Variants in RO60 observed in about 807,000 individuals in gnomAD.
RO60 encodes RNA-binding protein RO60.
RO60 carries 20 observed loss-of-function variants against 55.3 expected under a neutral mutation model. The observed-to-expected ratio is 0.36, with a 90% CI of 0.25 to 0.53. The LOEUF is 0.53. RO60 is among the 20% of genes least tolerant of loss of function. The pLI is 0.92. For synonymous variants in RO60, 213 were observed against 213.6 expected (o/e 1.00, Z 0.02); for missense variants, 558 against 646.6 (o/e 0.86, Z 1.49).
downstream of RO60, chr1:193,091,449 G>A (rs1235811476): frequency 1.1e-5 from 5 of 446,398 alleles, no homozygotes; most frequent in Non-Finnish European, 2.0e-5. Flanking sequence ...CCTGAAAGGA[G>A]GGGACAGGGA....
chr1:193,081,720 T>C (rs1674324896), intron 6 of RO60, among the ~76,000 whole-genome samples: 1 of 152,070 alleles, frequency 6.6e-6, no homozygotes, highest in South Asian at 2.1e-4. Flanking sequence ...AGATTAAATA[T>C]TAATGGATTT....
intron 1 of RO60, among the ~76,000 whole-genome samples, chr1:193,061,970 T>A (rs1471952978): frequency 6.7e-6 from 1 of 148,228 alleles, no homozygotes; most frequent in African/African-American, 2.5e-5. Flanking sequence ...GGTGACAGAG[T>A]GAGAGTCTGT....
At chr1:193,079,257 T>G (rs546116788) in intron 5 of RO60, among the ~76,000 whole-genome samples, 1 of 152,158 alleles carries the variant, frequency 6.6e-6, no homozygotes, top group African/African-American at 2.4e-5. Context: ...TCAACTAATT[T>G]ATTCCATTTT....
chr1:193,078,788 A>G (rs1458021927), intron 5 of RO60, among the ~76,000 whole-genome samples: 3 of 152,190 alleles, frequency 2.0e-5, no homozygotes, highest in African/African-American at 4.8e-5. Context: ...TAAGATGACA[A>G]TACTATCCAA....
Position 193,059,670 on chromosome 1 carries a change from T to A in RO60, c.-128T>A. 1.5e-6 allele frequency: 2 copies of A among 1,372,138 alleles called. No individual in the cohort carries two copies. Among genetic ancestry groups the A allele is most frequent in the Non-Finnish European group, 1.9e-6 (2 of 1,027,716 alleles). The allele number at this position is 1,372,138 out of a possible 1,614,324, so 85.0% of individuals were successfully genotyped here. A position where few individuals can be genotyped will look rare whatever the true frequency, so the allele number is the denominator to read the frequency against. ...GCGGCAGTGGGGCTGTTGCTGTTGC[T>A]GTGGCTGTCGCTGCCCGTCAGGCTG... is the stretch of plus-strand genomic sequence containing the variant. On this transcript the variant is annotated 5_prime_UTR_variant, in exon 1 of 9. Coordinates refer to ENST00000400968, the MANE Select transcript of RO60 (RefSeq NM_001173524.2). This position sits in a 1 kb window ranked among gnomAD's most constrained non-coding sequence, Gnocchi z 4.9.
chr1:193,080,122 ACT>A (rs1170747085), intron 5 of RO60, among the ~76,000 whole-genome samples: 1 of 151,922 alleles, frequency 6.6e-6, no homozygotes, highest in Non-Finnish European at 1.5e-5. Context: ...CAAGAGTGAA[ACT>A]CTGTCTCAAA....
Position 193,085,481 on chromosome 1 carries a change from A to C in RO60, c.*750A>C, listed in dbSNP as rs1281658289. ...TTGCTTTGTTATATTTTATTGCTAC[A>C]AGGGGTGTGACTTGATAATGATTTC... On this transcript the variant is annotated 3_prime_UTR_variant, in exon 9 of 9. Coordinates refer to ENST00000400968, the MANE Select transcript of RO60 (RefSeq NM_001173524.2). The C allele has an allele frequency of 9.1e-6, 9 of 984,682 alleles. No individual in the cohort carries two copies. Among genetic ancestry groups the C allele is most frequent in the African/African-American group, 1.8e-5 (1 of 56,972 alleles). 61.0% of individuals were successfully genotyped at this position (984,682 alleles called of 1,614,324 possible).
Position 193,076,513 on chromosome 1 carries a change from T to A in RO60, c.814T>A (p.Leu272Met). The change falls in exon 4 of 9, where the codon TTG becomes ATG. Residue 272 changes from leucine to methionine, a missense_variant. Transcript: ENST00000400968. ...GTTATTGCAATAGGTATGGAAGGCT[T>A]TGTTACAAGAAATGCCGCTTACTGC... Reference protein sequence around the residue: ...HLKSKEVWKALLQEMPLTALL... With the variant: ...HLKSKEVWKAMLQEMPLTALL... 1 of 1,611,428 alleles carries A rather than the reference T, an allele frequency of 6.2e-7. No homozygotes were observed. The highest frequency in any genetic ancestry group is 8.5e-7 in the Non-Finnish European group (1 of 1,179,086).
In RO60 at chr1:193,069,095, A is replaced by C. The variant is rs1170899116; in HGVS notation, c.41A>C (p.Lys14Thr). ...AACCAAATGCAGCCACTGAATGAGAAGCAGATAGCCAATTCTCAGGATGGA... is the reference window on the plus strand; with the variant it reads ...AACCAAATGCAGCCACTGAATGAGACGCAGATAGCCAATTCTCAGGATGGA... ...SVNQMQPLNE[K>T]QIANSQDGYV... is the part of the protein sequence containing the mutation. The change falls in exon 2 of 9, where the codon AAG becomes ACG. Residue 14 changes from lysine (K) to threonine (T), a missense_variant. Transcript: ENST00000400968. 2 of 1,613,812 alleles carry C rather than the reference A, an allele frequency of 1.2e-6. No individual in the cohort carries two copies. Among genetic ancestry groups the C allele is most frequent in the Non-Finnish European group, 1.7e-6 (2 of 1,179,744 alleles).
intron 1 of RO60, among the ~76,000 whole-genome samples, chr1:193,063,154 G>A (rs1672894013): frequency 6.6e-6 from 1 of 152,128 alleles, no homozygotes; most frequent in South Asian, 2.1e-4. Flanking sequence ...CAGTATATGA[G>A]CGTTTCATTT....
In RO60 at chr1:193,081,373, C is replaced by T. The variant is rs774794690; in HGVS notation, c.1096C>T (p.Pro366Ser). Residue 366 changes from proline to serine, a missense_variant, in exon 6 of 9, where the codon CCA becomes TCA. Physicochemically the swap from Pro to Ser is moderately conservative, Grantham distance 74 (BLOSUM62 -1). Transcript: ENST00000400968. ...TTTGTTTTCTCTGTAGACAGTTGAA[C>T]CAACTGGAAAACGTTTCTTACTAGC... Reference protein sequence around the residue: ...AFYKTFKTVEPTGKRFLLAVD... With the variant: ...AFYKTFKTVESTGKRFLLAVD... 1.3e-6 allele frequency: 2 copies of T among 1,596,780 alleles called. No individual in the cohort carries two copies. The highest frequency in any genetic ancestry group is 3.3e-5 in the Admixed American group (2 of 59,846).
At chr1:193,076,860 A>T in intron 4 of RO60, 53 bp from the exon 5 acceptor site, 1 of 1,548,806 alleles carries the variant, frequency 6.5e-7, no homozygotes. Flanking sequence ...AAATCTAAGG[A>T]GTATACATAA....
chr1:193,073,425 G>A (rs966072592), intron 2 of RO60, among the ~76,000 whole-genome samples: 1 of 152,020 alleles, frequency 6.6e-6, no homozygotes, highest in African/African-American at 2.4e-5. Context: ...TTTAAAAATC[G>A]ACATAAAAAC....
At chr1:193,070,232 C>G (rs1217743433) in intron 2 of RO60, among the ~76,000 whole-genome samples, 3 of 152,138 alleles carry the variant, frequency 2.0e-5, no homozygotes, top group Non-Finnish European at 4.4e-5. Context: ...CTGCTCTAGC[C>G]CATTCCTTTT....
chr1:193,073,058 A>C (rs1673631974), intron 2 of RO60, among the ~76,000 whole-genome samples: 1 of 152,238 alleles, frequency 6.6e-6, no homozygotes. Context: ...AGACAAAACA[A>C]GTCAAAATGT....
At chr1:193,084,152 A>G (rs760337842) in intron 8 of RO60, among the ~76,000 whole-genome samples, 22 of 152,258 alleles carry the variant, frequency 1.4e-4, no homozygotes, top group Non-Finnish European at 3.2e-4. Context: ...TACGTGGAAC[A>G]TGTGTATATC....
intron 5 of RO60, 107 bp downstream of exon 5, chr1:193,077,157 TATTC>T (rs1673981036): frequency 2.6e-6 from 3 of 1,153,574 alleles, no homozygotes; most frequent in Non-Finnish European, 3.6e-6. Flanking sequence ...TTTAATTAGG[TATTC>T]ATTTGTTTTT....
At chr1:193,078,177 G>A (rs975866872) in intron 5 of RO60, among the ~76,000 whole-genome samples, 2 of 152,138 alleles carry the variant, frequency 1.3e-5, no homozygotes, top group African/African-American at 2.4e-5. Context: ...TACTGATGCA[G>A]AAAAAGCATT....
At chr1:193,083,036 C>T (rs1053959472) in intron 8 of RO60, among the ~76,000 whole-genome samples, 5 of 152,086 alleles carry the variant, frequency 3.3e-5, no homozygotes, top group Non-Finnish European at 7.4e-5. Flanking sequence ...GGATTACAGC[C>T]ACCACACCTG....
Sources: allele counts gnomAD v4.1 joint callset (sites outside exome capture counted in the v4.1 genomes callset), GRCh38; gene constraint gnomAD v4.1.1; non-coding constraint Gnocchi (gnomAD v3.1); transcripts MANE v1.5; gene names NCBI Gene and HGNC (gene_info 2026-07-23, HGNC 2026-07-21).